Variants in IRAG1 observed in about 807,000 individuals in gnomAD.
IRAG1 encodes inositol 1,4,5-triphosphate receptor associated 1.
In IRAG1, 62 loss-of-function variants were observed where a neutral mutation model predicts 106.2. The observed-to-expected ratio is 0.58, with a 90% CI of 0.48 to 0.72. The LOEUF (loss-of-function observed/expected upper bound fraction) is 0.72, where lower values mean the gene tolerates loss of function less well. Ranked by LOEUF, IRAG1 falls within the 30% of genes least tolerant of loss-of-function variation. IRAG1 has a pLI of 0.00. For missense variants in IRAG1, 1,064 were observed against 1,140.7 expected, an observed-to-expected ratio of 0.93 and a Z score of 0.97; for synonymous variants, 462 against 443.9, an observed-to-expected ratio of 1.04 and a Z score of -0.51.
chr11:10,615,143 AAAG>A (rs1855294873), intron 10 of IRAG1, among the ~76,000 whole-genome samples: 1 of 152,252 alleles, frequency 6.6e-6, no homozygotes, highest in African/African-American at 2.4e-5. Context: ...ACACTTCTCA[AAAG>A]AAGACATTTA....
chr11:10,682,376 T>C (rs974417474), intron 1 of IRAG1, among the ~76,000 whole-genome samples: 4 of 152,212 alleles, frequency 2.6e-5, no homozygotes, highest in Admixed American at 2.6e-4. Context: ...CTTTATAAAC[T>C]ATAGGAATCG....
intron 1 of IRAG1, chr11:10,652,405 GTCTTTACAGTAAACACAGCT>G: frequency 7.9e-7 from 1 of 1,265,936 alleles, no homozygotes; most frequent in Non-Finnish European, 1.1e-6. Flanking sequence ...ATCTAATTTG[GTCTTTACAGTAAACACAGCT>G]ATCCCAGAAG....
intron 1 of IRAG1, among the ~76,000 whole-genome samples, chr11:10,691,517 C>A (rs1479542649): frequency 6.6e-6 from 1 of 152,196 alleles, no homozygotes; most frequent in Non-Finnish European, 1.5e-5. Context: ...AACCATGAGC[C>A]TCCTCAGCCT....
At chr11:10,687,288 C>T (rs140033325) in intron 1 of IRAG1, among the ~76,000 whole-genome samples, 9 of 152,338 alleles carry the variant, frequency 5.9e-5, no homozygotes, top group African/African-American at 2.2e-4. Flanking sequence ...CTCTTCCACA[C>T]CAAGAGAATG....
At chr11:10,671,879 C>T (rs879764904) in intron 1 of IRAG1, among the ~76,000 whole-genome samples, 2 of 152,042 alleles carry the variant, frequency 1.3e-5, no homozygotes, top group Non-Finnish European at 2.9e-5. Flanking sequence ...TATGGAAACA[C>T]AAGGAAGCAA....
chr11:10,688,997 C>A (rs772900191), intron 1 of IRAG1, among the ~76,000 whole-genome samples: 14 of 152,164 alleles, frequency 9.2e-5, no homozygotes, highest in Non-Finnish European at 1.9e-4. Context: ...TGAGCGACTG[C>A]AGGTAAAGCA....
chr11:10,604,862 A>T (rs1381518823), intron 12 of IRAG1, among the ~76,000 whole-genome samples: 1 of 152,196 alleles, frequency 6.6e-6, no homozygotes. Flanking sequence ...GTTTAGATAA[A>T]CTCAGGCCAG....
chr11:10,626,345 A>C lies in IRAG1; in HGVS notation c.989T>G (p.Leu330Arg), dbSNP rs1455438026. The C allele has an allele frequency of 6.2e-7, 1 of 1,613,710 alleles. No individual in the cohort carries two copies. Among genetic ancestry groups the C allele is most frequent in the South Asian group, 1.1e-5 (1 of 90,976 alleles). Residue 330 changes from leucine (L) to arginine (R), a missense_variant, in exon 9 of 21, where the codon CTG becomes CGG. Coordinates refer to ENST00000423302, the MANE Select transcript of IRAG1 (RefSeq NM_130385.4). ...GCCCGTTTTCAAGAGCTGCTTCCCC[A>C]GCTCGCTCTCCACGGGGCCAGGCTG... Reference protein sequence around the residue: ...SPQPGPVESELGKQLLKTGWE... With the variant: ...SPQPGPVESERGKQLLKTGWE...
intron 16 of IRAG1, 125 bp downstream of exon 16, chr11:10,594,021 A>G (rs1406050909): frequency 1.5e-5 from 14 of 924,766 alleles, no homozygotes; most frequent in South Asian, 3.3e-5. Context: ...TGGAAAGCCG[A>G]ATAGAAACTC....
chr11:10,612,721 T>C (rs1442466829), intron 10 of IRAG1, among the ~76,000 whole-genome samples: 2 of 152,070 alleles, frequency 1.3e-5, no homozygotes, highest in African/African-American at 2.4e-5. Flanking sequence ...GAAACATAGT[T>C]GCAAGAAACA....
intron 9 of IRAG1, among the ~76,000 whole-genome samples, chr11:10,624,600 A>G (rs1397278594): frequency 6.8e-6 from 1 of 146,662 alleles, no homozygotes. Context: ...GGCACTTGGG[A>G]ATGGTTTGTC....
intron 1 of IRAG1, chr11:10,658,660 G>A: frequency 5.3e-6 from 1 of 188,900 alleles, no homozygotes; most frequent in South Asian, 7.6e-5. Context: ...TGTCTGTGCT[G>A]TGCTCAGTCC....
In IRAG1 at chr11:10,593,496, G is replaced by T; in HGVS notation, c.2171C>A (p.Ala724Asp). Residue 724 changes from alanine to aspartate, a missense_variant, in exon 17 of 21, where the codon GCC (alanine) becomes GAC (aspartate). Coordinates refer to ENST00000423302, the MANE Select transcript of IRAG1 (RefSeq NM_130385.4). The stretch of plus-strand genomic sequence containing the variant: ...GGCAGACATCGTCATACTTACCAAG[G>T]CTGGTAAGGAGGGAATGGATGATGA... ...PSSSSIPSLP[A>D]LSESPNGKGS... 6.2e-7 allele frequency: 1 copy of T among 1,610,362 alleles called. No individual in the cohort carries two copies. Among genetic ancestry groups the T allele is most frequent in the Non-Finnish European group, 8.5e-7 (1 of 1,176,676 alleles).
rs971453986 is a variant in IRAG1 at position 10,647,585 on chromosome 11, G to A, written c.225+4440C>T. ...GGAGGAGGATGGGAGTTGTTCAGGT[G>A]GAAGCTAGAGCCGGTGAAAATTGGG... is the stretch of plus-strand genomic sequence containing the variant. On this transcript the variant is annotated intron_variant, in intron 2 of 20. Coordinates refer to ENST00000423302, the MANE Select transcript of IRAG1 (RefSeq NM_130385.4). The surrounding 1 kb of genome is among the most constrained non-coding windows in gnomAD (Gnocchi z 4.3). 6.6e-6 allele frequency among the ~76,000 whole-genome samples: 1 copy of A among 152,170 alleles called. No individual in the cohort carries two copies. The highest frequency in any genetic ancestry group is 1.5e-5 in the Non-Finnish European group (1 of 68,038).
intron 4 of IRAG1, among the ~76,000 whole-genome samples, chr11:10,630,495 G>A (rs561698712): frequency 4.0e-5 from 6 of 151,758 alleles, no homozygotes; most frequent in East Asian, 1.9e-4. Flanking sequence ...CCTCAGCCTC[G>A]CTCGTACTTG....
At chr11:10,580,904 G>A (rs768369602) in intron 19 of IRAG1, among the ~76,000 whole-genome samples, 1 of 152,194 alleles carries the variant, frequency 6.6e-6, no homozygotes, top group Non-Finnish European at 1.5e-5. Flanking sequence ...GATTGTATTT[G>A]TTCTCCATGT....
chr11:10,616,508 C>T (rs1213347793), intron 10 of IRAG1, among the ~76,000 whole-genome samples: 1 of 151,824 alleles, frequency 6.6e-6, no homozygotes, highest in Non-Finnish European at 1.5e-5. Flanking sequence ...AATTAAAACT[C>T]ATACCAAAGC....
At chr11:10,678,829 A>G (rs1860913794) in intron 1 of IRAG1, among the ~76,000 whole-genome samples, 1 of 152,256 alleles carries the variant, frequency 6.6e-6, no homozygotes, top group Non-Finnish European at 1.5e-5. Context: ...ACCAATGTTT[A>G]CCTTTTCTGG....
chr11:10,583,510 C>T (rs1247135494), intron 18 of IRAG1, among the ~76,000 whole-genome samples: 1 of 152,116 alleles, frequency 6.6e-6, no homozygotes, highest in African/African-American at 2.4e-5. Context: ...CAACAGGAGC[C>T]TCTGTGTAAT....
Sources: allele counts gnomAD v4.1 joint callset (sites outside exome capture counted in the v4.1 genomes callset), GRCh38; gene constraint gnomAD v4.1.1; non-coding constraint Gnocchi (gnomAD v3.1); transcripts MANE v1.5; gene names NCBI Gene and HGNC (gene_info 2026-07-23, HGNC 2026-07-21).